The following DCC variants were observed in gnomAD, a reference collection of about 807,000 sequenced individuals.
The protein encoded by DCC is netrin receptor DCC.
A neutral mutation model predicts 172.5 loss-of-function variants in DCC; 58 were observed. The observed-to-expected ratio is 0.34, with a 90% CI of 0.27 to 0.42. The LOEUF (loss-of-function observed/expected upper bound fraction) is 0.42, where lower values mean the gene tolerates loss of function less well. DCC is among the 10% of genes least tolerant of loss of function. The pLI is 1.00. For synonymous variants in DCC, 709 were observed against 644.5 expected, an observed-to-expected ratio of 1.10 and a Z score of -1.52; for missense variants, 1,740 against 1,791.0, an observed-to-expected ratio of 0.97 and a Z score of 0.51.
chr18:53,200,985 T>G (rs952687445), intron 9 of DCC, among the ~76,000 whole-genome samples: 1 of 152,144 alleles, frequency 6.6e-6, no homozygotes, highest in Non-Finnish European at 1.5e-5. Flanking sequence ...CTACTATGCA[T>G]GTGGTGGATC....
intron 7 of DCC, among the ~76,000 whole-genome samples, chr18:53,088,387 T>G (rs2042950390): frequency 6.6e-6 from 1 of 152,338 alleles, no homozygotes; most frequent in South Asian, 2.1e-4. Context: ...AGTTCACTCA[T>G]GATTTGGCTC....
chr18:53,189,781 A>G (rs2144508474), intron 9 of DCC, among the ~76,000 whole-genome samples: 1 of 152,354 alleles, frequency 6.6e-6, no homozygotes, highest in Middle Eastern at 3.4e-3. Flanking sequence ...GAATGAAGTT[A>G]GCCAAATAAC....
At chr18:53,426,288 T>C (rs932142866) in intron 21 of DCC, among the ~76,000 whole-genome samples, 1 of 125,156 alleles carries the variant, frequency 8.0e-6, no homozygotes, top group Non-Finnish European at 1.8e-5. Flanking sequence ...TATTACATAT[T>C]TATAATATAT....
intron 1 of DCC, among the ~76,000 whole-genome samples, chr18:52,554,266 A>G (rs907987319): frequency 6.6e-6 from 1 of 152,090 alleles, no homozygotes; most frequent in Non-Finnish European, 1.5e-5. Context: ...TTAATGAGAC[A>G]TTATCCATTT....
At chr18:52,564,969 C>A (rs565218118) in intron 1 of DCC, among the ~76,000 whole-genome samples, 2 of 151,844 alleles carry the variant, frequency 1.3e-5, no homozygotes, top group African/African-American at 4.8e-5. Context: ...ACACTGCTTG[C>A]GAAAGGGAAG....
intron 25 of DCC, among the ~76,000 whole-genome samples, chr18:53,476,360 A>T (rs1391793884): frequency 1.3e-5 from 2 of 152,184 alleles, no homozygotes; most frequent in Non-Finnish European, 2.9e-5. Context: ...CCCAAATCTC[A>T]TCTTGAATTC....
chr18:53,337,076 A>T (rs1166441359), intron 14 of DCC, among the ~76,000 whole-genome samples: 3 of 152,252 alleles, frequency 2.0e-5, no homozygotes, highest in African/African-American at 7.2e-5. Flanking sequence ...TGATATGTTT[A>T]AAGCTCCGAT....
intron 1 of DCC, among the ~76,000 whole-genome samples, chr18:52,514,097 T>C (rs1158736864): frequency 1.3e-5 from 2 of 152,166 alleles, no homozygotes; most frequent in Non-Finnish European, 1.5e-5. Flanking sequence ...CTTGACAATA[T>C]AGGGTAATCA....
chr18:52,836,961 C>A (rs1045171011), intron 2 of DCC, among the ~76,000 whole-genome samples: 3 of 152,228 alleles, frequency 2.0e-5, no homozygotes, highest in East Asian at 3.9e-4. Flanking sequence ...ACAGGCAGAG[C>A]TTTCCAAACC....
chr18:52,791,854 T>C (rs1290994805), intron 2 of DCC, among the ~76,000 whole-genome samples: 1 of 152,268 alleles, frequency 6.6e-6, no homozygotes, highest in East Asian at 1.9e-4. Flanking sequence ...AATTAAGTAC[T>C]ATTCTAAATG....
chr18:52,515,653 CA>C (rs998633187), intron 1 of DCC, among the ~76,000 whole-genome samples: 7 of 74,732 alleles, frequency 9.4e-5, no homozygotes, highest in East Asian at 4.0e-4. Flanking sequence ...TAAAAGAATA[CA>C]AAAAAAAATA....
intron 14 of DCC, among the ~76,000 whole-genome samples, chr18:53,323,473 C>G (rs2057433807): frequency 6.6e-6 from 1 of 152,180 alleles, no homozygotes; most frequent in African/African-American, 2.4e-5. Flanking sequence ...CCATGCTGAG[C>G]TTTGATACAA....
chr18:52,573,677 C>G (rs1242559543), intron 1 of DCC, among the ~76,000 whole-genome samples: 1 of 152,190 alleles, frequency 6.6e-6, no homozygotes, highest in African/African-American at 2.4e-5. Flanking sequence ...ACCTAGCCCA[C>G]TGACTCTTTA....
chr18:52,989,736 T>A (rs1434506160), intron 5 of DCC, among the ~76,000 whole-genome samples: 1 of 152,194 alleles, frequency 6.6e-6, no homozygotes, highest in Non-Finnish European at 1.5e-5. Context: ...ATGGTAAAAG[T>A]TATAATGACA....
At chr18:52,803,688 T>G (rs915480102) in intron 2 of DCC, among the ~76,000 whole-genome samples, 3 of 152,170 alleles carry the variant, frequency 2.0e-5, no homozygotes, top group African/African-American at 7.2e-5. Flanking sequence ...GAAAAAAATC[T>G]CTACATATAA....
At chr18:52,787,244 G>A (rs2037676896) in intron 2 of DCC, among the ~76,000 whole-genome samples, 1 of 152,098 alleles carries the variant, frequency 6.6e-6, no homozygotes, top group African/African-American at 2.4e-5. Context: ...TTCTTCATAA[G>A]TCCCATACAT....
chr18:52,379,421 A>G (rs750646850), intron 1 of DCC, among the ~76,000 whole-genome samples: 5 of 152,092 alleles, frequency 3.3e-5, no homozygotes, highest in Non-Finnish European at 5.9e-5. Context: ...TTTGCCCAGT[A>G]AAATTATTTC....
chr18:53,360,258 T>C (rs889079739), intron 15 of DCC, among the ~76,000 whole-genome samples: 6 of 152,126 alleles, frequency 3.9e-5, no homozygotes, highest in Admixed American at 3.3e-4. Context: ...GGTACAGATA[T>C]ATTTGGCAAG....
intron 2 of DCC, chr18:52,816,814 C>T (rs1386006815): frequency 1.3e-5 from 2 of 151,906 alleles, no homozygotes; most frequent in African/African-American, 4.8e-5. Flanking sequence ...TATATGAGAG[C>T]CCTAAGAGAT....
Sources: allele counts gnomAD v4.1 joint callset (sites outside exome capture counted in the v4.1 genomes callset), GRCh38; gene constraint gnomAD v4.1.1; transcripts MANE v1.5; gene names NCBI Gene and HGNC (gene_info 2026-07-23, HGNC 2026-07-21).